The following UBR1 variants were observed in gnomAD, a reference collection of about 807,000 sequenced individuals.
The protein encoded by UBR1 is E3 ubiquitin-protein ligase UBR1.
A neutral mutation model predicts 242.1 loss-of-function variants in UBR1; 102 were observed. That is an observed-to-expected ratio of 0.42 (90% CI 0.36 to 0.50). UBR1 has a LOEUF of 0.50. UBR1 is among the 20% of genes least tolerant of loss of function. The pLI, the probability that UBR1 is intolerant of heterozygous loss-of-function variation, is 0.01. For synonymous variants in UBR1, 675 were observed against 684.8 expected (o/e 0.99, Z 0.22); for missense variants, 1,772 against 2,101.8 (o/e 0.84, Z 3.07).
rs1164739631 is a variant in UBR1 at position 43,056,355 on chromosome 15, C to G, written c.1270G>C (p.Val424Leu). ...ITALSVQMFT[V>L]PTLARHLIEE... is the part of the protein sequence containing the mutation. Reference sequence around the variant, plus strand: ...TAATCAATACATACCAGAGTAGGAACAGTAAACATCTGAACTGAAAGTGCA... The same window carrying G: ...TAATCAATACATACCAGAGTAGGAAGAGTAAACATCTGAACTGAAAGTGCA... The change falls in exon 11 of 47, where the codon GTT becomes CTT. Residue 424 changes from valine to leucine, a missense_variant. Around this residue, in one of 3 missense-constraint regions of UBR1, gnomAD observed 734 missense variants for 893.3 expected, o/e 0.82. Coordinates refer to ENST00000290650, the MANE Select transcript of UBR1 (RefSeq NM_174916.3). 2 of 1,608,966 alleles carry G rather than the reference C, an allele frequency of 1.2e-6. No individual in the cohort carries two copies. The highest frequency in any genetic ancestry group is 8.5e-7 in the Non-Finnish European group (1 of 1,175,370).
chr15:43,025,855 T>A (rs1331798274), intron 23 of UBR1: 1 of 169,126 alleles, frequency 5.9e-6, no homozygotes, highest in Non-Finnish European at 1.3e-5. Flanking sequence ...CCAAAAACTG[T>A]TTAAGCTGAA....
At chr15:43,074,690 G>A (rs2033865387) in intron 4 of UBR1, among the ~76,000 whole-genome samples, 1 of 152,200 alleles carries the variant, frequency 6.6e-6, no homozygotes, top group South Asian at 2.1e-4. Context: ...CAAAGTGCCA[G>A]GATTACAGGC....
In UBR1 at chr15:42,989,899, G is replaced by A. The variant is rs1048496325; in HGVS notation, c.3848+131C>T. The A allele has an allele frequency of 7.8e-5, 57 of 728,680 alleles. No homozygotes were observed. The Middle Eastern group carries it at 3.1e-3, about 40-fold the overall frequency. The allele number at this position is 728,680 out of a possible 1,614,324, so 45.1% of individuals were successfully genotyped here. On this transcript the variant is annotated intron_variant, in intron 34 of 46. Coordinates refer to ENST00000290650, the MANE Select transcript of UBR1 (RefSeq NM_174916.3). ...TTTTGTTAATACAAATAAAACAAAC[G>A]AGAAAGAAACAAGATAATGGGATAA...
intron 33 of UBR1, 68 bp from the exon 34 acceptor site, chr15:42,990,188 CATTT>C: frequency 1.7e-5 from 19 of 1,136,974 alleles, no homozygotes; most frequent in East Asian, 2.6e-5. Flanking sequence ...AGTTTTCTAG[CATTT>C]ATTTATTTAT....
chr15:43,095,688 T>C (rs2034151513), intron 1 of UBR1, among the ~76,000 whole-genome samples: 1 of 152,204 alleles, frequency 6.6e-6, no homozygotes, highest in African/African-American at 2.4e-5. Context: ...TTAGAGGTCT[T>C]AATATTTTGT....
intron 1 of UBR1, among the ~76,000 whole-genome samples, chr15:43,092,631 G>A (rs1347253460): frequency 6.6e-6 from 1 of 152,080 alleles, no homozygotes; most frequent in Admixed American, 6.6e-5. Context: ...TCGGCTCACT[G>A]CAACCTCTGC....
At chr15:43,064,480 T>C (rs2033728903) in intron 6 of UBR1, among the ~76,000 whole-genome samples, 1 of 151,868 alleles carries the variant, frequency 6.6e-6, no homozygotes, top group Non-Finnish European at 1.5e-5. Context: ...ACAAACTTTC[T>C]AAGTGCTAAA....
At chr15:42,968,610 T>C (rs746174639) in intron 40 of UBR1, among the ~76,000 whole-genome samples, 1 of 151,998 alleles carries the variant, frequency 6.6e-6, no homozygotes, top group African/African-American at 2.4e-5. Context: ...TGGTGGAGGT[T>C]TGCTGCACCC....
At chr15:43,067,546 T>C (rs2033769271) in intron 6 of UBR1, among the ~76,000 whole-genome samples, 1 of 152,152 alleles carries the variant, frequency 6.6e-6, no homozygotes, top group Non-Finnish European at 1.5e-5. Context: ...TTTAAATAAA[T>C]CATGTTAAGA....
chr15:43,004,864 T>A (rs1260311645), intron 30 of UBR1, among the ~76,000 whole-genome samples: 1 of 148,064 alleles, frequency 6.8e-6, no homozygotes, highest in African/African-American at 2.5e-5. Flanking sequence ...GAGGAGCCCC[T>A]CTGCCCAGCC....
intron 6 of UBR1, among the ~76,000 whole-genome samples, chr15:43,066,206 C>A (rs2033750335): frequency 6.6e-6 from 1 of 152,108 alleles, no homozygotes; most frequent in African/African-American, 2.4e-5. Context: ...TATCCTAGCA[C>A]CATTTATTGA....
At chr15:43,016,474 ATCT>A (rs1387453001) in intron 28 of UBR1, among the ~76,000 whole-genome samples, 1 of 152,200 alleles carries the variant, frequency 6.6e-6, no homozygotes, top group African/African-American at 2.4e-5. Context: ...ATATACCATT[ATCT>A]TATATTTCTC....
intron 1 of UBR1, among the ~76,000 whole-genome samples, chr15:43,090,349 A>C (rs999182931): frequency 2.0e-5 from 3 of 152,178 alleles, no homozygotes; most frequent in Non-Finnish European, 4.4e-5. Context: ...ATTTTCATGG[A>C]ATTCATTACT....
intron 33 of UBR1, among the ~76,000 whole-genome samples, chr15:42,993,903 T>A (rs2032594423): frequency 6.6e-6 from 1 of 152,260 alleles, no homozygotes; most frequent in Admixed American, 6.5e-5. Flanking sequence ...TTAAGAAGTT[T>A]CCATCAAGGC....
intron 4 of UBR1, 67 bp downstream of exon 4, chr15:43,074,912 A>G: frequency 1.5e-6 from 2 of 1,293,520 alleles, no homozygotes; most frequent in South Asian, 2.4e-5. Context: ...TACACATAAC[A>G]TTTATTCTTA....
chr15:42,954,383 C>A (rs1284988790), intron 44 of UBR1, among the ~76,000 whole-genome samples: 3 of 152,100 alleles, frequency 2.0e-5, no homozygotes, highest in Non-Finnish European at 4.4e-5. Flanking sequence ...GGAGCTAGAA[C>A]AGGAAGGTCA....
Position 43,036,214 on chromosome 15 carries a change from G to A in UBR1, c.2154C>T (p.Ala718=), listed in dbSNP as rs757644708. ...TAGATATGGTCTTGTTAAAAGCCTC[G>A]GCAAGTTCATACCTCTGAAGTACCA... is the stretch of plus-strand genomic sequence containing the variant. ...LLLVLQRYEL[A]EAFNKTISTK... Residue 718 remains alanine, a synonymous_variant, in exon 19 of 47, where the codon GCC becomes GCT. Transcript: ENST00000290650. 21 of 1,613,626 alleles carry A rather than the reference G, an allele frequency of 1.3e-5. No individual in the cohort carries two copies. Among genetic ancestry groups the A allele is most frequent in the South Asian group, 9.9e-5 (9 of 91,058 alleles).
At chr15:43,069,011 G>T (rs1330641508) in intron 5 of UBR1, among the ~76,000 whole-genome samples, 1 of 152,150 alleles carries the variant, frequency 6.6e-6, no homozygotes, top group African/African-American at 2.4e-5. Flanking sequence ...AGTTGTTATT[G>T]AATTTATTTT....
chr15:43,006,674 AACATG>A (rs1356817844), intron 30 of UBR1, among the ~76,000 whole-genome samples: 13 of 152,248 alleles, frequency 8.5e-5, no homozygotes, highest in Non-Finnish European at 1.9e-4. Flanking sequence ...GAAAATGTTT[AACATG>A]ATTCTAATCA....
Sources: allele counts gnomAD v4.1 joint callset (sites outside exome capture counted in the v4.1 genomes callset), GRCh38; gene constraint gnomAD v4.1.1; regional missense constraint gnomAD v4.1.1; transcripts MANE v1.5; gene names NCBI Gene and HGNC (gene_info 2026-07-23, HGNC 2026-07-21).